CNNM1: variants seen among roughly 807,000 people sequenced by gnomAD.
CNNM1 encodes the protein metal transporter CNNM1.
CNNM1 carries 44 observed loss-of-function variants against 78.8 expected under a neutral mutation model. The ratio of observed to expected loss-of-function variants is 0.56; its 90% CI spans 0.44 to 0.72. The LOEUF (loss-of-function observed/expected upper bound fraction) is 0.72, where lower values mean the gene tolerates loss of function less well. Among genes scored for constraint, CNNM1 ranks in the 30% least tolerant of loss-of-function variants. CNNM1 has a pLI of 0.00. For missense variants in CNNM1, 1,101 were observed against 1,292.2 expected (o/e 0.85, Z 2.27); for synonymous variants, 584 against 581.5 (o/e 1.00, Z -0.06).
chr10:99,368,245 A>G, intron 6 of CNNM1: 1 of 229,830 alleles, frequency 4.4e-6, no homozygotes, highest in Non-Finnish European at 8.8e-6. Context: ...GGGAGCTGGG[A>G]GAGCTTGGTG....
At chr10:99,377,336 C>T (rs1386798832) in intron 7 of CNNM1, 118 bp downstream of exon 7, 3 of 966,826 alleles carry the variant, frequency 3.1e-6, no homozygotes, top group Non-Finnish European at 4.7e-6. Flanking sequence ...CCCTGTGTTC[C>T]AATACAGTGC....
At chr10:99,363,740 CTTTTTTTTTTT>C (rs869281521) in intron 4 of CNNM1, among the ~76,000 whole-genome samples, 1 of 121,926 alleles carries the variant, frequency 8.2e-6, no homozygotes, top group Non-Finnish European at 1.7e-5. Context: ...TAGATTTTAT[CTTTTTTTTTTT>C]TTTTTTTTTT....
At chr10:99,371,083 G>C (rs960788950) in intron 6 of CNNM1, among the ~76,000 whole-genome samples, 1 of 152,174 alleles carries the variant, frequency 6.6e-6, no homozygotes, top group Non-Finnish European at 1.5e-5. Context: ...CTGTACCTCT[G>C]AATATAGACA....
intron 7 of CNNM1, among the ~76,000 whole-genome samples, chr10:99,381,409 C>CAA (rs55670936): frequency 8.7e-6 from 1 of 114,634 alleles, no homozygotes; most frequent in Non-Finnish European, 1.8e-5. Flanking sequence ...ACTCTGTCTT[C>CAA]AAAAAAAAAA....
rs554338706 is a variant in CNNM1, at chr10:99,331,077, C to T, written c.1573+117C>T. 4.6e-5 allele frequency: 46 copies of T among 998,374 alleles called. No homozygotes were observed. In the African/African-American group the frequency reaches 7.1e-4, roughly 15 times the overall value. 61.8% of individuals were successfully genotyped at this position (998,374 alleles called of 1,614,324 possible). On this transcript the variant is annotated intron_variant, in intron 1 of 10. Coordinates refer to ENST00000356713, the MANE Select transcript of CNNM1 (RefSeq NM_020348.3). Reference sequence around the variant, plus strand: ...ATTTCTCTCCTATGGTACTAAAAACCCAAGGAAGACTCTACCTCTTGGCTC... The same window carrying T: ...ATTTCTCTCCTATGGTACTAAAAACTCAAGGAAGACTCTACCTCTTGGCTC...
At chr10:99,342,673 A>AAAC (rs965635225) in intron 1 of CNNM1, among the ~76,000 whole-genome samples, 15 of 152,100 alleles carry the variant, frequency 9.9e-5, no homozygotes, top group South Asian at 2.1e-4. Flanking sequence ...GTATAGTTAA[A>AAAC]AACAACAACA....
chr10:99,342,988 G>A (rs1307282139), intron 1 of CNNM1, among the ~76,000 whole-genome samples: 1 of 151,162 alleles, frequency 6.6e-6, no homozygotes, highest in Non-Finnish European at 1.5e-5. Context: ...TTTTTGAGAT[G>A]GAGTCTCACT....
At chr10:99,344,631 T>C (rs11190061) in intron 1 of CNNM1, among the ~76,000 whole-genome samples, 68,595 of 151,444 alleles carry the variant, frequency 0.45, 18,553 homozygotes, top group Non-Finnish European at 0.59. Context: ...ATTTCTTTTA[T>C]CCTGTTATCA....
intron 8 of CNNM1, 34 bp from the exon 9 acceptor site, chr10:99,388,118 A>T: frequency 6.2e-7 from 1 of 1,612,292 alleles, no homozygotes; most frequent in Non-Finnish European, 8.5e-7. Flanking sequence ...TCTTCTCCAA[A>T]GCAGAGAGGT....
rs2031270232 is a variant in CNNM1, at chr10:99,357,667, G to A, written c.1717+12G>A. On this transcript the variant is annotated intron_variant, in intron 2 of 10. Coordinates refer to ENST00000356713, the MANE Select transcript of CNNM1 (RefSeq NM_020348.3). The stretch of plus-strand genomic sequence containing the variant: ...AACTGATCTCTACAGTAAGTGCACG[G>A]CCTTGGCTGTTCTCCAGGGTCATCT... 2 of 1,589,312 alleles carry A rather than the reference G, an allele frequency of 1.3e-6. No homozygotes were observed. The highest frequency in any genetic ancestry group is 1.7e-6 in the Non-Finnish European group (2 of 1,167,834).
intron 6 of CNNM1, among the ~76,000 whole-genome samples, chr10:99,367,336 G>A (rs906666305): frequency 1.3e-5 from 2 of 152,158 alleles, no homozygotes; most frequent in African/African-American, 4.8e-5. Flanking sequence ...ATACTGGCAC[G>A]ATGACCTATG....
At chr10:99,337,233 G>A (rs1027742880) in intron 1 of CNNM1, among the ~76,000 whole-genome samples, 2 of 152,060 alleles carry the variant, frequency 1.3e-5, no homozygotes, top group African/African-American at 2.4e-5. Context: ...CCTCAAATTC[G>A]TTCTCTCTAG....
intron 7 of CNNM1, among the ~76,000 whole-genome samples, chr10:99,383,535 G>A (rs2032219997): frequency 1.3e-5 from 2 of 152,184 alleles, no homozygotes. Context: ...GCCTCCCAAA[G>A]TGCTGGGATT....
intron 1 of CNNM1, among the ~76,000 whole-genome samples, chr10:99,340,876 T>TGCCTGCCTGCCTGCCTGCCTGCCTG (rs2030425383): frequency 7.2e-5 from 10 of 138,256 alleles, no homozygotes; most frequent in African/African-American, 3.0e-4. Flanking sequence ...CTTCCTTCCT[T>TGCCTGCCTGCCTGCCTGCCTGCCTG]CCTGCCTGCC....
At position 99,390,172 on chromosome 10, in the gene CNNM1, T is replaced by A. The variant is rs2032430926; in HGVS notation, c.2675-134T>A. 3.0e-5 allele frequency: 19 copies of A among 636,294 alleles called. No individual in the cohort carries two copies. The South Asian group carries it at 3.6e-4, about 12-fold the overall frequency. The allele number at this position is 636,294 out of a possible 1,614,324, so 39.4% of individuals were successfully genotyped here. A position where few individuals can be genotyped will look rare whatever the true frequency, so the allele number is the denominator to read the frequency against. On this transcript the variant is annotated intron_variant, in intron 9 of 10. Transcript: ENST00000356713. Reference sequence around the variant, plus strand: ...CTGTACTTCCCTGGGCGTCCCTGCCTTGTTACACCACCCTCACCTTGGCTC... The same window carrying A: ...CTGTACTTCCCTGGGCGTCCCTGCCATGTTACACCACCCTCACCTTGGCTC...
chr10:99,378,704 G>A (rs1307241302), intron 7 of CNNM1, among the ~76,000 whole-genome samples: 1 of 152,196 alleles, frequency 6.6e-6, no homozygotes, highest in Non-Finnish European at 1.5e-5. Context: ...GCCACCCTAT[G>A]AGGTAGGTAT....
chr10:99,369,792 A>C (rs2031741514), intron 6 of CNNM1, among the ~76,000 whole-genome samples: 1 of 152,176 alleles, frequency 6.6e-6, no homozygotes, highest in African/African-American at 2.4e-5. Flanking sequence ...AGGATCGGAC[A>C]GTCAATGTGA....
At chr10:99,336,642 C>T (rs4919297) in intron 1 of CNNM1, among the ~76,000 whole-genome samples, 58,845 of 152,090 alleles carry the variant, frequency 0.39, 15,559 homozygotes, top group African/African-American at 0.76. Context: ...ATACAGGAAA[C>T]AGAAATTAAA....
chr10:99,332,848 C>T (rs140696604), intron 1 of CNNM1, among the ~76,000 whole-genome samples: 6 of 152,306 alleles, frequency 3.9e-5, no homozygotes, highest in African/African-American at 1.2e-4. Flanking sequence ...CAGTCCATCT[C>T]GCCTTAATCC....
Sources: allele counts gnomAD v4.1 joint callset (sites outside exome capture counted in the v4.1 genomes callset), GRCh38; gene constraint gnomAD v4.1.1; transcripts MANE v1.5; gene names NCBI Gene and HGNC (gene_info 2026-07-23, HGNC 2026-07-21).